CNTN4: variants seen among roughly 807,000 people sequenced by gnomAD.
The protein encoded by CNTN4 is contactin-4.
Under a neutral mutation model 122.5 loss-of-function variants are expected in CNTN4, and 77 were observed. That is an observed-to-expected ratio of 0.63 (90% CI 0.52 to 0.76). The LOEUF (loss-of-function observed/expected upper bound fraction) is 0.76. Among genes scored for constraint, CNTN4 ranks in the 30% least tolerant of loss-of-function variants. CNTN4 has a pLI of 0.00. For synonymous variants in CNTN4, 512 were observed against 447.0 expected, an observed-to-expected ratio of 1.15 and a Z score of -1.83; for missense variants, 1,256 against 1,259.1, an observed-to-expected ratio of 1.00 and a Z score of 0.04.
chr3:2,521,778 G>A (rs2077227433), intron 3 of CNTN4, among the ~76,000 whole-genome samples: 1 of 152,044 alleles, frequency 6.6e-6, no homozygotes, highest in African/African-American at 2.4e-5. Context: ...GCTTACCTAA[G>A]TTTTGAAGTA....
chr3:2,194,753 G>T (rs2037756162), intron 2 of CNTN4, among the ~76,000 whole-genome samples: 2 of 152,128 alleles, frequency 1.3e-5, no homozygotes, highest in Non-Finnish European at 2.9e-5. Context: ...GCAGATATTG[G>T]AGTTATGGAG....
chr3:2,724,017 T>C (rs2149411090), intron 4 of CNTN4, among the ~76,000 whole-genome samples: 1 of 152,326 alleles, frequency 6.6e-6, no homozygotes, highest in Middle Eastern at 3.4e-3. Context: ...CCTAACCTTA[T>C]TATGTACTCA....
chr3:2,519,575 G>A (rs1286151179), intron 3 of CNTN4, among the ~76,000 whole-genome samples: 2 of 152,146 alleles, frequency 1.3e-5, no homozygotes, highest in Non-Finnish European at 2.9e-5. Context: ...AGATAACCCA[G>A]AACCAAAGAC....
chr3:2,903,748 T>C (rs1005228039), intron 12 of CNTN4, among the ~76,000 whole-genome samples: 2 of 152,208 alleles, frequency 1.3e-5, no homozygotes, highest in African/African-American at 4.8e-5. Context: ...GTTTACACTT[T>C]TTTTTGTGAT....
intron 2 of CNTN4, among the ~76,000 whole-genome samples, chr3:2,128,427 A>G (rs1312115553): frequency 6.6e-6 from 1 of 152,184 alleles, no homozygotes; most frequent in Non-Finnish European, 1.5e-5. Flanking sequence ...TTTACTGATG[A>G]ATAGGGTGAG....
At chr3:2,564,954 A>C (rs543874355) in intron 3 of CNTN4, among the ~76,000 whole-genome samples, 5 of 152,254 alleles carry the variant, frequency 3.3e-5, no homozygotes, top group African/African-American at 1.2e-4. Flanking sequence ...TTTATTTCAG[A>C]GGATTTCTGC....
intron 4 of CNTN4, among the ~76,000 whole-genome samples, chr3:2,578,097 T>G (rs1056710290): frequency 6.6e-6 from 1 of 152,180 alleles, no homozygotes; most frequent in Non-Finnish European, 1.5e-5. Flanking sequence ...GGAAGACCCC[T>G]GGATTGAATC....
At chr3:2,294,294 T>TTTC (rs1383985248) in intron 2 of CNTN4, among the ~76,000 whole-genome samples, 2 of 151,528 alleles carry the variant, frequency 1.3e-5, no homozygotes, top group African/African-American at 4.9e-5. Context: ...GTGACTTTTT[T>TTTC]TTTTTTTTTA....
chr3:2,463,805 G>A (rs974895020), intron 3 of CNTN4, among the ~76,000 whole-genome samples: 16 of 152,168 alleles, frequency 1.1e-4, no homozygotes, highest in Non-Finnish European at 1.6e-4. Context: ...TATTAAAATA[G>A]GAATGACTTA....
At chr3:2,620,963 A>G (rs2149925079) in intron 4 of CNTN4, among the ~76,000 whole-genome samples, 1 of 152,330 alleles carries the variant, frequency 6.6e-6, no homozygotes, top group African/African-American at 2.4e-5. Flanking sequence ...AAGACTTGAA[A>G]TTTGGCTCTA....
chr3:3,049,124 G>A (rs546788355), intron 23 of CNTN4, among the ~76,000 whole-genome samples: 11 of 152,194 alleles, frequency 7.2e-5, no homozygotes, highest in African/African-American at 1.2e-4. Context: ...CCTCTGTCAC[G>A]CAAGGTGGAG....
chr3:2,628,806 GT>G lies in CNTN4; in HGVS notation c.55+57253del, dbSNP rs2082305751. Among the ~76,000 whole-genome samples the G allele has an allele frequency of 2.0e-5, 3 of 152,284 alleles. No individual in the cohort carries two copies. In the South Asian group the frequency reaches 6.2e-4, roughly 32 times the overall value. On this transcript the variant is annotated intron_variant, in intron 4 of 24. Coordinates refer to ENST00000418658, the MANE Select transcript of CNTN4 (RefSeq NM_175607.3). ...AGAACTGGACGTAACCAAAAAAGTG[GT>G]TTTTAATCACAAAATTATTTTCTGG...
At chr3:2,263,474 C>G (rs377115049) in intron 2 of CNTN4, among the ~76,000 whole-genome samples, 2 of 151,936 alleles carry the variant, frequency 1.3e-5, no homozygotes, top group African/African-American at 4.8e-5. Context: ...TATCATTTTT[C>G]TTTCTTTAAT....
At chr3:3,024,123 G>A (rs570582815) in intron 14 of CNTN4, among the ~76,000 whole-genome samples, 47 of 152,108 alleles carry the variant, frequency 3.1e-4, no homozygotes, top group African/African-American at 9.6e-4. Flanking sequence ...CATGCTTGGC[G>A]GATAAATCAA....
intron 6 of CNTN4, among the ~76,000 whole-genome samples, chr3:2,818,059 C>T (rs572611492): frequency 6.6e-6 from 1 of 152,160 alleles, no homozygotes; most frequent in Non-Finnish European, 1.5e-5. Context: ...ACAGCCCAAA[C>T]CTGGCAGTCT....
chr3:2,838,764 G>A (rs1351339797), intron 7 of CNTN4, among the ~76,000 whole-genome samples: 1 of 152,054 alleles, frequency 6.6e-6, no homozygotes, highest in African/African-American at 2.4e-5. Flanking sequence ...CAAGGGGACT[G>A]TATGAAAGTT....
chr3:3,015,870 T>G (rs1415604136), intron 14 of CNTN4, among the ~76,000 whole-genome samples: 2 of 152,226 alleles, frequency 1.3e-5, no homozygotes, highest in Non-Finnish European at 2.9e-5. Context: ...TGCAGCCCGA[T>G]GCCCAGCAGA....
At chr3:2,774,550 C>G (rs1372671867) in intron 6 of CNTN4, among the ~76,000 whole-genome samples, 6 of 152,150 alleles carry the variant, frequency 3.9e-5, no homozygotes, top group Admixed American at 3.9e-4. Flanking sequence ...ACTCCATTAG[C>G]TCCTGTGAAC....
chr3:2,218,492 C>T (rs1180703602), intron 2 of CNTN4, among the ~76,000 whole-genome samples: 1 of 152,030 alleles, frequency 6.6e-6, no homozygotes. Context: ...TGAATAGTCA[C>T]CACATGCCAT....
Sources: gnomAD v4.1 joint callset for allele counts (sites outside exome capture counted in the v4.1 genomes callset) on GRCh38, gnomAD v4.1.1 for gene constraint, MANE v1.5 for transcripts, NCBI Gene and HGNC (gene_info 2026-07-23, HGNC 2026-07-21) for gene names.